BDP1: variants seen among roughly 807,000 people sequenced by gnomAD.
The protein encoded by BDP1 is BDP1 general transcription factor IIIB subunit.
Under a neutral mutation model 266.6 loss-of-function variants are expected in BDP1, and 169 were observed. That is an observed-to-expected ratio of 0.63 (90% CI 0.56 to 0.72). The LOEUF is 0.72. Among genes scored for constraint, BDP1 ranks in the 30% least tolerant of loss-of-function variants. The pLI, the probability that BDP1 is intolerant of heterozygous loss-of-function variation, is 0.00. For synonymous variants in BDP1, 1,090 were observed against 1,022.4 expected, an observed-to-expected ratio of 1.07 and a Z score of -1.26; for missense variants, 3,015 against 3,053.8, an observed-to-expected ratio of 0.99 and a Z score of 0.30.
At chr5:71,462,288 T>C (rs1164418742) in intron 3 of BDP1, among the ~76,000 whole-genome samples, 1 of 152,178 alleles carries the variant, frequency 6.6e-6, no homozygotes, top group Non-Finnish European at 1.5e-5. Flanking sequence ...TTTGGGTATG[T>C]AGTTATATAA....
At chr5:71,570,821 A>G (rs1423687564), downstream of BDP1, among the ~76,000 whole-genome samples, 5 of 152,292 alleles carry the variant, frequency 3.3e-5, no homozygotes, top group East Asian at 9.7e-4. Context: ...TGCTTCTGTT[A>G]CCAAGACTTT....
intron 25 of BDP1, among the ~76,000 whole-genome samples, chr5:71,525,962 G>A: frequency 6.6e-6 from 1 of 152,008 alleles, no homozygotes; most frequent in African/African-American, 2.4e-5. Context: ...AGACTGGGCA[G>A]CCAGGCTGAG....
In BDP1 at chr5:71,465,464, A is replaced by G. The variant is rs372048771; in HGVS notation, c.660-632A>G. On this transcript the variant is annotated intron_variant, in intron 4 of 38. Transcript: ENST00000358731. ...TTTTTTGTAGTGGTAAGGTCTTGCTATGTTGCCCAGGCTGATCTCAACTCC... is the reference window on the plus strand; with the variant it reads ...TTTTTTGTAGTGGTAAGGTCTTGCTGTGTTGCCCAGGCTGATCTCAACTCC... Among the ~76,000 whole-genome samples the G allele has an allele frequency of 9.9e-5, 15 of 152,066 alleles. No individual in the cohort carries two copies. The East Asian group carries it at 2.1e-3, about 22-fold the overall frequency.
intron 37 of BDP1, among the ~76,000 whole-genome samples, chr5:71,561,105 A>G (rs1743617668): frequency 6.6e-6 from 1 of 151,934 alleles, no homozygotes; most frequent in Admixed American, 6.6e-5. Flanking sequence ...CCGTCTCTGA[A>G]AAAAGAAAAA....
chr5:71,530,673 C>T lies in BDP1; in HGVS notation c.5773-1635C>T, dbSNP rs1016306820. On this transcript the variant is annotated intron_variant, in intron 25 of 38. Coordinates refer to ENST00000358731, the MANE Select transcript of BDP1 (RefSeq NM_018429.3). ...AGCTAGAACTACAGGCATGTGCCCC[C>T]GTGCTCACTTGAATTTTTTGGTTCA... Among the ~76,000 whole-genome samples the T allele has an allele frequency of 5.9e-5, 9 of 152,254 alleles. No individual in the cohort carries two copies. The East Asian group carries it at 1.7e-3, about 29-fold the overall frequency.
intron 22 of BDP1, among the ~76,000 whole-genome samples, chr5:71,517,915 TA>T (rs1049127510): frequency 6.6e-6 from 1 of 151,118 alleles, no homozygotes; most frequent in Non-Finnish European, 1.5e-5. Flanking sequence ...AAATAACAAA[TA>T]AAAAAAAGAA....
intron 9 of BDP1, among the ~76,000 whole-genome samples, chr5:71,489,048 T>C (rs1485370743): frequency 6.6e-6 from 1 of 152,246 alleles, no homozygotes; most frequent in East Asian, 1.9e-4. Context: ...ACTCAACTTA[T>C]GATGGGTTTA....
At chr5:71,555,091 A>G (rs150569694) in intron 35 of BDP1, among the ~76,000 whole-genome samples, 241 of 152,294 alleles carry the variant, frequency 1.6e-3, no homozygotes, top group Non-Finnish European at 2.5e-3. Context: ...TTTATTTTCC[A>G]TAATCAGATT....
chr5:71,513,814 GGTTCAAGC>G (rs1181595192), intron 19 of BDP1, among the ~76,000 whole-genome samples: 5 of 152,006 alleles, frequency 3.3e-5, no homozygotes, highest in Admixed American at 2.0e-4. Context: ...CCACCTCCCA[GGTTCAAGC>G]GATTCTCCTG....
Position 71,541,636 on chromosome 5 carries a change from G to T in BDP1, c.6205G>T (p.Glu2069Ter). 1 of 1,610,870 alleles carries T rather than the reference G, an allele frequency of 6.2e-7. No homozygotes were observed. Among genetic ancestry groups the T allele is most frequent in the Non-Finnish European group, 8.5e-7 (1 of 1,178,670 alleles). ...IVLEEQSSRE[E>*]ISLMEKVKEN... ...ATTGGAGGAACAAAGTTCCAGAGAA[G>T]AAATAAGTTTAATGGAGAAAGTAAA... The change falls in exon 29 of 39, where the codon GAA (glutamate) becomes TAA (stop). Residue 2069 changes from glutamate (E) to a stop codon, truncating the protein, a stop_gained. Transcript: ENST00000358731. LOFTEE classifies it high-confidence loss of function.
At chr5:71,516,555 A>G (rs1765232820) in intron 21 of BDP1, among the ~76,000 whole-genome samples, 1 of 152,196 alleles carries the variant, frequency 6.6e-6, no homozygotes, top group Non-Finnish European at 1.5e-5. Flanking sequence ...AAACCTTTTG[A>G]CATATCTTAC....
At chr5:71,524,730 G>A (rs1259159030) in intron 25 of BDP1, among the ~76,000 whole-genome samples, 1 of 149,582 alleles carries the variant, frequency 6.7e-6, no homozygotes, top group Admixed American at 6.6e-5. Context: ...AAGGTCAGCA[G>A]ATAAACAAGT....
intron 6 of BDP1, among the ~76,000 whole-genome samples, chr5:71,469,185 C>G (rs1315377991): frequency 6.6e-6 from 1 of 152,090 alleles, no homozygotes; most frequent in Non-Finnish European, 1.5e-5. Context: ...GTCACCCAGG[C>G]TGGAGTGCAG....
At position 71,467,474 on chromosome 5, in the gene BDP1, A is replaced by G. The variant is rs374162993; in HGVS notation, c.906A>G (p.Pro302=). 5.6e-6 allele frequency: 9 copies of G among 1,599,016 alleles called. No individual in the cohort carries two copies. The highest frequency in any genetic ancestry group is 3.4e-5 in the South Asian group (3 of 88,200). The change falls in exon 6 of 39, where the codon CCA becomes CCG. Residue 302 remains proline, a synonymous_variant. Coordinates refer to ENST00000358731, the MANE Select transcript of BDP1 (RefSeq NM_018429.3). Reference sequence around the variant, plus strand: ...TTAGGAAAAACTATTACTCTAAACCATGGTCAAATAAAGGTAACTAATTTT... The same window carrying G: ...TTAGGAAAAACTATTACTCTAAACCGTGGTCAAATAAAGGTAACTAATTTT... The part of the protein sequence containing the change: ...SSFRKNYYSK[P]WSNKETDMFF...
rs1355095815 is a variant in BDP1 at position 71,516,200 on chromosome 5, G to A, written c.4789G>A (p.Ala1597Thr). The change falls in exon 21 of 39, where the codon GCC becomes ACC. Residue 1597 changes from alanine (A) to threonine (T), a missense_variant. Ala to Thr is a moderately conservative substitution (Grantham distance 58). This residue lies in a region of BDP1 where 2,383 missense variants were observed against 2,404.9 expected (regional missense o/e 0.99). Coordinates refer to ENST00000358731, the MANE Select transcript of BDP1 (RefSeq NM_018429.3). ...GAGGCAAATAGTAGACAAAGGTGAA[G>A]CCAAAGGCATAATTAAGGAAGGAAG... ...GQRQIVDKGE[A>T]KGIIKEGRTI... 1.2e-6 allele frequency: 2 copies of A among 1,613,326 alleles called. No homozygotes were observed. Among genetic ancestry groups the A allele is most frequent in the Admixed American group, 1.7e-5 (1 of 59,954 alleles).
chr5:71,497,070 C>T (rs1379681874), intron 12 of BDP1, among the ~76,000 whole-genome samples, 200 bp from the exon 13 acceptor site: 1 of 151,914 alleles, frequency 6.6e-6, no homozygotes, highest in African/African-American at 2.4e-5. Flanking sequence ...ATGTTAGTAC[C>T]ACACTGTTTT....
intron 27 of BDP1, among the ~76,000 whole-genome samples, 185 bp downstream of exon 27, chr5:71,539,263 A>G (rs944979215): frequency 6.6e-6 from 1 of 152,360 alleles, no homozygotes; most frequent in South Asian, 2.1e-4. Context: ...AATTAAAAAA[A>G]TGTTTAAGAA....
rs377278473 is a variant in BDP1, at chr5:71,512,467, A to G, written c.4247+39A>G. On this transcript the variant is annotated intron_variant, in intron 18 of 38. Coordinates refer to ENST00000358731, the MANE Select transcript of BDP1 (RefSeq NM_018429.3). Reference sequence around the variant, plus strand: ...TTTAAAGAAAAAGATATTAAGTTATAGTTGCAGATTACGTTAAACTAAGTG... The same window carrying G: ...TTTAAAGAAAAAGATATTAAGTTATGGTTGCAGATTACGTTAAACTAAGTG... The G allele has an allele frequency of 2.8e-5, 38 of 1,336,176 alleles. No homozygotes were observed. In the African/African-American group the frequency reaches 4.3e-4, roughly 15 times the overall value. The allele number at this position is 1,336,176 out of a possible 1,614,324, so 82.8% of individuals were successfully genotyped here.
intron 7 of BDP1, among the ~76,000 whole-genome samples, chr5:71,473,030 G>A (rs541061735): frequency 7.7e-4 from 116 of 150,458 alleles, no homozygotes; most frequent in African/African-American, 2.4e-3. Flanking sequence ...CTACGGGCAC[G>A]TGCCACAATG....
Sources: allele counts gnomAD v4.1 joint callset (sites outside exome capture counted in the v4.1 genomes callset), GRCh38; gene constraint gnomAD v4.1.1; regional missense constraint gnomAD v4.1.1; transcripts MANE v1.5; gene names NCBI Gene and HGNC (gene_info 2026-07-23, HGNC 2026-07-21).